The following ERAP1 variants were observed in gnomAD, a reference collection of about 807,000 sequenced individuals.
The protein encoded by ERAP1 is adipocyte-derived leucine aminopeptidase.
In ERAP1, 86 loss-of-function variants were observed where a neutral mutation model predicts 103.7. The ratio of observed to expected loss-of-function variants is 0.83; its 90% CI spans 0.70 to 0.99. ERAP1 has a LOEUF of 0.99. Ranked by LOEUF, ERAP1 falls within the 50% of genes least tolerant of loss-of-function variation. ERAP1 has a pLI of 0.00. For synonymous variants in ERAP1, 398 were observed against 402.4 expected (o/e 0.99, Z 0.13); for missense variants, 1,009 against 1,128.4 (o/e 0.89, Z 1.52).
chr5:96,850,178 G>A, the ERAP1 span, among the ~76,000 whole-genome samples: 1 of 152,114 alleles, frequency 6.6e-6, no homozygotes, highest in Non-Finnish European at 1.5e-5. Flanking sequence ...CTACCCATTG[G>A]TCTGAGCAAT....
At chr5:96,817,954 C>T in the ERAP1 span, among the ~76,000 whole-genome samples, 2 of 152,232 alleles carry the variant, frequency 1.3e-5, no homozygotes, top group East Asian at 1.9e-4. Context: ...TTCTGAAAAG[C>T]GTTTGGAAGA....
chr5:96,777,069 A>T (rs1431967673), intron 18 of ERAP1: 2 of 153,376 alleles, frequency 1.3e-5, no homozygotes, highest in African/African-American at 2.4e-5. Flanking sequence ...CATTTTTTTT[A>T]TCCTAATCTA....
chr5:96,785,473 C>T (rs541009196), intron 13 of ERAP1: 26 of 382,492 alleles, frequency 6.8e-5, no homozygotes, highest in African/African-American at 4.0e-4. Flanking sequence ...AGCTGCGGGA[C>T]CATGCCGCGG....
At chr5:96,878,920 C>T in the ERAP1 span, among the ~76,000 whole-genome samples, 5 of 151,918 alleles carry the variant, frequency 3.3e-5, no homozygotes, top group East Asian at 1.9e-4. Flanking sequence ...AGCGAGATTC[C>T]GTCTCAAAAA....
chr5:96,805,900 G>C (rs528204261), intron 1 of ERAP1: 1 of 152,308 alleles, frequency 6.6e-6, no homozygotes, highest in Non-Finnish European at 1.5e-5. Flanking sequence ...ATTCCAACTC[G>C]TTATGAGCTG....
At chr5:96,935,666 A>G in the ERAP1 span, 1 of 156,270 alleles carries the variant, frequency 6.4e-6, no homozygotes. Flanking sequence ...CACTGACTTT[A>G]CACTCGTGTG....
rs945340157 is a variant in ERAP1 at position 96,775,311 on chromosome 5, T to A, written c.*1085A>T. The A allele has an allele frequency of 1.0e-6, 1 of 985,402 alleles. No individual in the cohort carries two copies. Among genetic ancestry groups the A allele is most frequent in the African/African-American group, 1.7e-5 (1 of 57,212 alleles). 61.0% of individuals were successfully genotyped at this position (985,402 alleles called of 1,614,324 possible). A position where few individuals can be genotyped will look rare whatever the true frequency, so the allele number is the denominator to read the frequency against. ...CCAAAGAATGTCCTATTTGCTAATA[T>A]GAGCAAATATTTTGTTTCACAATGT... On this transcript the variant is annotated 3_prime_UTR_variant, in exon 19 of 19. Coordinates refer to ENST00000443439, the MANE Select transcript of ERAP1 (RefSeq NM_001040458.3).
chr5:96,874,184 G>GAAAGAAAGAA, the ERAP1 span, among the ~76,000 whole-genome samples: 1 of 119,302 alleles, frequency 8.4e-6, no homozygotes, highest in South Asian at 3.1e-4. Context: ...GAAAGAAAGA[G>GAAAGAAAGAA]AGAGAGAAAG....
chr5:96,909,118 G>T, the ERAP1 span: 26 of 1,613,666 alleles, frequency 1.6e-5, no homozygotes, highest in Non-Finnish European at 2.2e-5. Flanking sequence ...AAACCTCAAG[G>T]TTTGTGTTGC....
At chr5:96,784,257 G>A (rs1294429869) in intron 13 of ERAP1, among the ~76,000 whole-genome samples, 177 bp from the exon 14 acceptor site, 2 of 152,180 alleles carry the variant, frequency 1.3e-5, no homozygotes, top group African/African-American at 4.8e-5. Context: ...CACTTTAGGA[G>A]GCCAAGGCAG....
chr5:96,766,417 TTCTC>T (rs1250842351), intron 19 of ERAP1, among the ~76,000 whole-genome samples: 3 of 152,184 alleles, frequency 2.0e-5, no homozygotes, highest in Admixed American at 2.0e-4. Context: ...AGAAATGTGA[TTCTC>T]TCTTTCAAGA....
chr5:96,807,973 T>TGAGCGGCGCTTCGGCCCGAGCCC, upstream of ERAP1: 3 of 985,696 alleles, frequency 3.0e-6, no homozygotes, highest in Non-Finnish European at 3.6e-6. Flanking sequence ...AGGCTGGCGC[T>TGAGCGGCGCTTCGGCCCGAGCCC]GAGCGGCGCT....
chr5:96,819,082 C>T, the ERAP1 span, among the ~76,000 whole-genome samples: 6 of 152,010 alleles, frequency 3.9e-5, no homozygotes, highest in African/African-American at 7.2e-5. Context: ...CCCACCACCA[C>T]GCCCGGTTAA....
chr5:96,915,737 G>T, the ERAP1 span: 1 of 1,599,140 alleles, frequency 6.3e-7, no homozygotes, highest in Non-Finnish European at 8.5e-7. Flanking sequence ...TGGCACAACA[G>T]CTCACTTTTC....
chr5:96,831,347 C>G, the ERAP1 span, among the ~76,000 whole-genome samples: 1 of 152,306 alleles, frequency 6.6e-6, no homozygotes, highest in South Asian at 2.1e-4. Context: ...TCCCACCAGG[C>G]CCCACCTCCA....
chr5:96,900,226 G>A, the ERAP1 span: 1 of 1,612,210 alleles, frequency 6.2e-7, no homozygotes, highest in Non-Finnish European at 8.5e-7. Context: ...GAAGAGATCT[G>A]TGGAATAGCC....
chr5:96,783,266 A>G lies in ERAP1; in HGVS notation c.2101-31T>C, dbSNP rs147726412. ...GGCGTTGTACAGGGAAACAGGGACC[A>G]GTATTGTCACAGGTCATTTCATGTT... is the stretch of plus-strand genomic sequence containing the variant. On this transcript the variant is annotated intron_variant, in intron 14 of 18. Coordinates refer to ENST00000443439, the MANE Select transcript of ERAP1 (RefSeq NM_001040458.3). The G allele has an allele frequency of 8.2e-5, 131 of 1,590,122 alleles. No homozygotes were observed. The African/African-American group carries it at 1.3e-3, about 16-fold the overall frequency.
chr5:96,821,542 A>C, the ERAP1 span, among the ~76,000 whole-genome samples: 5 of 152,338 alleles, frequency 3.3e-5, no homozygotes, highest in South Asian at 6.2e-4. Context: ...AGGCAAGAGC[A>C]GGGGCAGAGT....
the ERAP1 span, among the ~76,000 whole-genome samples, chr5:96,912,169 C>T: frequency 4.5e-4 from 59 of 131,510 alleles, no homozygotes; most frequent in Admixed American, 4.6e-4. Context: ...CCAGCTTGGG[C>T]GACAGTGAGA....
Sources: allele counts gnomAD v4.1 joint callset (sites outside exome capture counted in the v4.1 genomes callset), GRCh38; gene constraint gnomAD v4.1.1; transcripts MANE v1.5; gene names NCBI Gene and HGNC (gene_info 2026-07-23, HGNC 2026-07-21).